COL5A1: variants seen among roughly 807,000 people sequenced by gnomAD.
COL5A1 encodes the protein collagen alpha-1(V) chain.
A neutral mutation model predicts 263.7 loss-of-function variants in COL5A1; 16 were observed. The observed-to-expected ratio is 0.06, with a 90% CI of 0.04 to 0.09. The LOEUF is 0.09. COL5A1 is among the 10% of genes least tolerant of loss of function. The pLI, the probability that COL5A1 is intolerant of heterozygous loss-of-function variation, is 1.00. For missense variants in COL5A1, 2,036 were observed against 2,540.5 expected (o/e 0.80, Z 4.27); for synonymous variants, 1,012 against 1,004.5 (o/e 1.01, Z -0.14).
chr9:134,654,552 T>G (rs2132481457), intron 1 of COL5A1, among the ~76,000 whole-genome samples: 2 of 103,576 alleles, frequency 1.9e-5, no homozygotes, highest in African/African-American at 3.9e-5. Context: ...GCTGGGTGTG[T>G]GTAGGGCTGG....
At chr9:134,649,407 C>T (rs1344663510) in intron 1 of COL5A1, 2 of 439,680 alleles carry the variant, frequency 4.5e-6, no homozygotes, top group Non-Finnish European at 4.6e-6. Context: ...AATTTAATTA[C>T]TCAGAGCTCT....
intron 18 of COL5A1, among the ~76,000 whole-genome samples, chr9:134,760,381 CAT>C (rs1177948477): frequency 2.1e-5 from 2 of 97,326 alleles, no homozygotes; most frequent in East Asian, 3.8e-4. Context: ...ACCACACATG[CAT>C]ACACACCCCC....
At chr9:134,766,950 G>T (rs747303551) in intron 22 of COL5A1, 50 bp from the exon 23 acceptor site, 1 of 1,555,232 alleles carries the variant, frequency 6.4e-7, no homozygotes, top group Non-Finnish European at 8.8e-7. Context: ...CCAGGAAGGG[G>T]ATACAGTTCC....
chr9:134,762,618 A>G (rs753504186), intron 19 of COL5A1, among the ~76,000 whole-genome samples: 3 of 152,160 alleles, frequency 2.0e-5, no homozygotes, highest in Non-Finnish European at 4.4e-5. Context: ...GTGGGTTTCC[A>G]AGCTCTTCCC....
intron 42 of COL5A1, chr9:134,808,921 C>T (rs1838404902): frequency 3.6e-6 from 2 of 551,464 alleles, no homozygotes; most frequent in South Asian, 2.0e-5. Context: ...AACTGTGCCT[C>T]AGTTTCCCCA....
intron 4 of COL5A1, among the ~76,000 whole-genome samples, 187 bp downstream of exon 4, chr9:134,701,520 G>T (rs567997078): frequency 1.3e-5 from 2 of 152,362 alleles, no homozygotes; most frequent in South Asian, 4.1e-4. Context: ...GAAATGGAGG[G>T]GCCAGAGCTG....
intron 2 of COL5A1, among the ~76,000 whole-genome samples, chr9:134,694,538 T>C (rs1357063961): frequency 6.6e-6 from 1 of 152,202 alleles, no homozygotes; most frequent in East Asian, 1.9e-4. Context: ...GTTCCCATTT[T>C]CTGCACTTGG....
chr9:134,761,884 C>T (rs1294732832), intron 18 of COL5A1, 41 bp from the exon 19 acceptor site: 6 of 1,604,962 alleles, frequency 3.7e-6, no homozygotes, highest in East Asian at 2.2e-5. Flanking sequence ...CCCTGCATGA[C>T]CTGCTCAGGA....
At chr9:134,725,878 A>G (rs1834630175) in intron 4 of COL5A1, among the ~76,000 whole-genome samples, 1 of 152,166 alleles carries the variant, frequency 6.6e-6, no homozygotes, top group African/African-American at 2.4e-5. Context: ...GGTTGCATTT[A>G]TCTTTTGGCC....
At chr9:134,709,042 G>A (rs1383013213) in intron 4 of COL5A1, 2 of 429,154 alleles carry the variant, frequency 4.7e-6, no homozygotes, top group South Asian at 3.3e-5. Flanking sequence ...AATCTAGGAT[G>A]TTCCCATTTC....
At chr9:134,648,299 T>TATATA (rs1831543540) in intron 1 of COL5A1, among the ~76,000 whole-genome samples, 1 of 129,424 alleles carries the variant, frequency 7.7e-6, no homozygotes, top group Non-Finnish European at 1.6e-5. Flanking sequence ...TATATATATA[T>TATATA]ATATAATATA....
Position 134,818,237 on chromosome 9 carries a change from G to T in COL5A1, c.4230+406G>T, listed in dbSNP as rs372175048. Among the ~76,000 whole-genome samples the T allele has an allele frequency of 1.3e-5, 2 of 152,222 alleles. No individual in the cohort carries two copies. Among genetic ancestry groups the T allele is most frequent in the East Asian group, 3.9e-4 (2 of 5,190 alleles). Reference sequence around the variant, plus strand: ...GCGGGGCCCGTGCAGAAGATGGGACGCCGTCACCCATGCAGTTGGCTTGGG... The same window carrying T: ...GCGGGGCCCGTGCAGAAGATGGGACTCCGTCACCCATGCAGTTGGCTTGGG... On this transcript the variant is annotated intron_variant, in intron 54 of 65. Coordinates refer to ENST00000371817, the MANE Select transcript of COL5A1 (RefSeq NM_000093.5). The surrounding 1 kb of genome is among the most constrained non-coding windows in gnomAD (Gnocchi z 6.0).
At chr9:134,830,595 C>T (rs1473984254) in intron 64 of COL5A1, among the ~76,000 whole-genome samples, 1 of 152,232 alleles carries the variant, frequency 6.6e-6, no homozygotes, top group African/African-American at 2.4e-5. Flanking sequence ...CCTTCTAGGA[C>T]CTGCACCACG....
rs545816777 is a variant in COL5A1, at chr9:134,686,598, G to A, written c.110-4314G>A. Among the ~76,000 whole-genome samples the A allele has an allele frequency of 2.0e-5, 3 of 152,246 alleles. No individual in the cohort carries two copies. In the South Asian group the frequency reaches 6.2e-4, roughly 32 times the overall value. ...TCCCTTCTTCCTTAAAACTGACCTT[G>A]CTGGCGTCCATTCCTTTATAGGTCT... is the stretch of plus-strand genomic sequence containing the variant. On this transcript the variant is annotated intron_variant, in intron 1 of 65. Coordinates refer to ENST00000371817, the MANE Select transcript of COL5A1 (RefSeq NM_000093.5). The surrounding 1 kb of genome is among the most constrained non-coding windows in gnomAD (Gnocchi z 4.6).
chr9:134,715,044 AG>A (rs1027175125), intron 4 of COL5A1, among the ~76,000 whole-genome samples: 117 of 152,128 alleles, frequency 7.7e-4, no homozygotes, highest in African/African-American at 2.6e-3. Flanking sequence ...AAATGGGCCC[AG>A]GGGACCAGCG....
chr9:134,733,206 C>T (rs1413576763), intron 9 of COL5A1, among the ~76,000 whole-genome samples: 2 of 152,202 alleles, frequency 1.3e-5, no homozygotes, highest in Non-Finnish European at 1.5e-5. Flanking sequence ...TGTGCAGTCA[C>T]AGTGACCCGC....
intron 1 of COL5A1, among the ~76,000 whole-genome samples, chr9:134,658,042 G>A (rs1221523110): frequency 1.3e-5 from 2 of 151,964 alleles, no homozygotes; most frequent in African/African-American, 4.8e-5. Context: ...GAGTCCTGTC[G>A]CTGGGGAAAG....
intron 4 of COL5A1, among the ~76,000 whole-genome samples, chr9:134,721,266 C>A (rs920927836): frequency 8.0e-5 from 12 of 150,718 alleles, no homozygotes; most frequent in African/African-American, 2.9e-4. Flanking sequence ...ATGTCCCCCC[C>A]ATGGGACCCC....
intron 18 of COL5A1, among the ~76,000 whole-genome samples, chr9:134,760,179 A>ATG (rs1836279292): frequency 2.6e-5 from 3 of 115,380 alleles, no homozygotes; most frequent in Admixed American, 9.2e-5. Context: ...ATGCACACAC[A>ATG]CATACACCCC....
Sources: gnomAD v4.1 joint callset for allele counts (sites outside exome capture counted in the v4.1 genomes callset) on GRCh38, gnomAD v4.1.1 for gene constraint, Gnocchi (gnomAD v3.1) non-coding constraint, MANE v1.5 for transcripts, NCBI Gene and HGNC (gene_info 2026-07-23, HGNC 2026-07-21) for gene names.